MYH11: variants seen among roughly 807,000 people sequenced by gnomAD.
The protein encoded by MYH11 is myosin heavy chain 11, also known as myosin-11.
In MYH11, 80 loss-of-function variants were observed where a neutral mutation model predicts 246.6. The observed-to-expected ratio is 0.32, with a 90% confidence interval of 0.27 to 0.39. The LOEUF is 0.39. Ranked by LOEUF, MYH11 falls within the 10% of genes least tolerant of loss-of-function variation. MYH11 has a pLI of 1.00. For missense variants in MYH11, 2,158 were observed against 2,546.8 expected, an observed-to-expected ratio of 0.85 and a Z score of 3.29; for synonymous variants, 1,071 against 1,015.5, an observed-to-expected ratio of 1.05 and a Z score of -1.04.
At chr16:15,708,737 G>T (rs1187012610) in intron 40 of MYH11, 31 of 1,514,314 alleles carry the variant, frequency 2.0e-5, no homozygotes, top group Non-Finnish European at 2.6e-5. Flanking sequence ...GGGCAGAGGG[G>T]CGCATTGGGC....
At chr16:15,840,521 C>T (rs1395219714) in intron 1 of MYH11, among the ~76,000 whole-genome samples, 1 of 152,108 alleles carries the variant, frequency 6.6e-6, no homozygotes, top group Admixed American at 6.5e-5. Flanking sequence ...CCCTTGAGGC[C>T]AGGAGTTCAA....
At chr16:15,741,357 T>A (rs931408154) in intron 22 of MYH11, 106 bp downstream of exon 22, 2 of 1,266,464 alleles carry the variant, frequency 1.6e-6, no homozygotes, top group Non-Finnish European at 2.3e-6. Flanking sequence ...CCCCGTCTCA[T>A]CATCTGTCCC....
At chr16:15,816,324 C>T (rs970310236) in intron 3 of MYH11, among the ~76,000 whole-genome samples, 1 of 152,006 alleles carries the variant, frequency 6.6e-6, no homozygotes, top group African/African-American at 2.4e-5. Context: ...ATATCCAATA[C>T]ATGTCTGGAC....
chr16:15,763,741 T>TCGGCCCCCCCCCCCCCCCC, intron 10 of MYH11, 55 bp downstream of exon 10: 2 of 646,860 alleles, frequency 3.1e-6, no homozygotes, highest in East Asian at 3.2e-5. Context: ...AAATGTCACC[T>TCGGCCCCCCCCCCCCCCCC]CCCCCACCCC....
At chr16:15,721,193 C>A in intron 32 of MYH11, 142 bp from the exon 33 acceptor site, 1 of 1,017,834 alleles carries the variant, frequency 9.8e-7, no homozygotes, top group Admixed American at 2.0e-5. Context: ...TCAAGATGAC[C>A]CCTGAGAGTT....
chr16:15,803,198 C>T (rs2042928609), intron 3 of MYH11, among the ~76,000 whole-genome samples: 1 of 151,946 alleles, frequency 6.6e-6, no homozygotes, highest in African/African-American at 2.4e-5. Flanking sequence ...ACTCTGGAGA[C>T]AGACAGATAC....
chr16:15,726,390 G>A, intron 28 of MYH11: 1 of 154,126 alleles, frequency 6.5e-6, no homozygotes, highest in Admixed American at 6.4e-5. Context: ...TTTTTCCTGA[G>A]ACAGAGTTTT....
Position 15,740,088 on chromosome 16 carries a change from A to G in MYH11, c.2960T>C (p.Ile987Thr), listed in dbSNP as rs770004584. Reference protein sequence around the residue: ...EAKIKKLEDEILVMDDQNNKL... With the variant: ...EAKIKKLEDETLVMDDQNNKL... ...ATTGTTCTGATCATCCATGACCAGG[A>G]TCTCATCCTCCAGTTTCTTGATCTT... Residue 987 changes from isoleucine (I) to threonine (T), a missense_variant, in exon 23 of 41, where the codon ATC becomes ACC. Coordinates refer to ENST00000300036, the MANE Select transcript of MYH11 (RefSeq NM_002474.3). 9.9e-6 allele frequency: 16 copies of G among 1,614,144 alleles called. No homozygotes were observed. Among genetic ancestry groups the G allele is most frequent in the Non-Finnish European group, 1.4e-5 (16 of 1,180,030 alleles).
At chr16:15,825,284 C>T (rs116605249) in intron 2 of MYH11, among the ~76,000 whole-genome samples, 2,133 of 151,032 alleles carry the variant, frequency 0.014, 21 homozygotes, top group South Asian at 0.026. Context: ...TGTAGTGGCT[C>T]ATGCCTGTAA....
intron 11 of MYH11, 54 bp from the exon 12 acceptor site, chr16:15,759,782 A>G: frequency 1.2e-6 from 2 of 1,606,402 alleles, no homozygotes; most frequent in Admixed American, 1.7e-5. Context: ...CCATTTTCAC[A>G]TAAGCCAGGC....
intron 32 of MYH11, 60 bp downstream of exon 32, chr16:15,721,362 A>G: frequency 6.4e-7 from 1 of 1,557,596 alleles, no homozygotes; most frequent in South Asian, 1.1e-5. Context: ...TGGACTGGTG[A>G]ATAGCACAGA....
intron 3 of MYH11, among the ~76,000 whole-genome samples, chr16:15,807,970 C>T (rs556612088): frequency 1.3e-5 from 2 of 152,076 alleles, no homozygotes; most frequent in African/African-American, 2.4e-5. Context: ...GAAAACCCAG[C>T]GGGGACTGAG....
chr16:15,746,029 G>A (rs1444159559), intron 19 of MYH11, among the ~76,000 whole-genome samples: 3 of 151,856 alleles, frequency 2.0e-5, no homozygotes, highest in Non-Finnish European at 2.9e-5. Flanking sequence ...TGATCCTCCT[G>A]CCTCAGCCTC....
At chr16:15,791,216 A>G (rs891700896) in intron 4 of MYH11, 1 of 152,122 alleles carries the variant, frequency 6.6e-6, no homozygotes, top group Non-Finnish European at 1.5e-5. Context: ...TCAGCCTCCC[A>G]AAGTGCTGGG....
At chr16:15,783,711 C>G (rs59754771) in intron 5 of MYH11, among the ~76,000 whole-genome samples, 7,017 of 152,092 alleles carry the variant, frequency 0.046, 532 homozygotes, top group African/African-American at 0.16. Context: ...GAAAAAGGCT[C>G]CCTTTCTAGA....
chr16:15,719,294 A>G lies in MYH11; in HGVS notation c.5097T>C (p.Ala1699=), dbSNP rs778782812. The change falls in exon 36 of 41, where the codon GCT becomes GCC. Residue 1699 remains alanine, a synonymous_variant. Transcript: ENST00000300036. The stretch of plus-strand genomic sequence containing the variant: ...GGTCCGCTTGTTTGCGAGCCCTCTC[A>G]GCGGCGGCGAGGTCCTAGGTGGGAG... ...LMQLQEDLAA[A]ERARKQADLE... 6.2e-7 allele frequency: 1 copy of G among 1,611,678 alleles called. No homozygotes were observed. The highest frequency in any genetic ancestry group is 8.5e-7 in the Non-Finnish European group (1 of 1,179,982).
rs536050589 is a variant in MYH11 at position 15,833,246 on chromosome 16, G to T, written c.345+4662C>A. 2.6e-5 allele frequency among the ~76,000 whole-genome samples: 4 copies of T among 151,616 alleles called. No individual in the cohort carries two copies. In the South Asian group the frequency reaches 6.3e-4, roughly 24 times the overall value. On this transcript the variant is annotated intron_variant, in intron 2 of 40. Transcript: ENST00000300036. ...CAGGAGGCAGAGGTTGCAGTGAGCT[G>T]AGATCATGCCACTGTACTCCAGCCT...
chr16:15,786,762 C>T lies in MYH11; in HGVS notation c.531-30G>A, dbSNP rs748702989. ...AAGACACGGGAACATCATCTATGCA[C>T]ACGTTCCATGGTGACCTTTCCGCAG... On this transcript the variant is annotated intron_variant, in intron 4 of 40. Transcript: ENST00000300036. 7 of 1,588,294 alleles carry T rather than the reference C, an allele frequency of 4.4e-6. No individual in the cohort carries two copies. The South Asian group carries it at 6.7e-5, about 15-fold the overall frequency.
chr16:15,778,277 C>T (rs1386840522), intron 7 of MYH11, among the ~76,000 whole-genome samples: 3 of 152,136 alleles, frequency 2.0e-5, no homozygotes, highest in African/African-American at 2.4e-5. Context: ...GAAGTGGAGC[C>T]GATCACAGAC....
Sources: allele counts gnomAD v4.1 joint callset (sites outside exome capture counted in the v4.1 genomes callset), GRCh38; gene constraint gnomAD v4.1.1; transcripts MANE v1.5; gene names NCBI Gene and HGNC (gene_info 2026-07-23, HGNC 2026-07-21).